GOLGB1: variants seen among roughly 807,000 people sequenced by gnomAD.
GOLGB1 encodes the protein golgin subfamily B member 1.
In GOLGB1, 174 loss-of-function variants were observed where a neutral mutation model predicts 336.9. That is an observed-to-expected ratio of 0.52 (90% CI 0.46 to 0.59). The LOEUF is 0.59. GOLGB1 is among the 20% of genes least tolerant of loss of function. The pLI, the probability that GOLGB1 is intolerant of heterozygous loss-of-function variation, is 0.00. For synonymous variants in GOLGB1, 1,208 were observed against 1,289.2 expected (o/e 0.94, Z 1.35); for missense variants, 3,331 against 3,645.3 (o/e 0.91, Z 2.22).
chr3:121,746,169 AT>A (rs1220915062), intron 1 of GOLGB1, among the ~76,000 whole-genome samples: 1 of 152,190 alleles, frequency 6.6e-6, no homozygotes, highest in Admixed American at 6.5e-5. Context: ...TTTCATGCTT[AT>A]TTAGTTAAGC....
chr3:121,725,892 A>G (rs1045916899), intron 5 of GOLGB1, among the ~76,000 whole-genome samples: 7 of 152,028 alleles, frequency 4.6e-5, no homozygotes, highest in African/African-American at 1.7e-4. Context: ...CTGCCTTGCG[A>G]CACCACTGAG....
At position 121,710,901 on chromosome 3, in the gene GOLGB1, C is replaced by T. The variant is rs138171319; in HGVS notation, c.1404+3960G>A. 1.6e-3 allele frequency among the ~76,000 whole-genome samples: 244 copies of T among 151,338 alleles called. 1 individual carries two copies. The highest frequency in any genetic ancestry group is 3.4e-3 in the Middle Eastern group (1 of 290). ...TTTTAAAAAAAGAAAAAAAAAAGGC[C>T]AGGCGCAGTGGCTCACGCCTGTAAT... On this transcript the variant is annotated intron_variant, in intron 10 of 21. Coordinates refer to ENST00000614479, the MANE Select transcript of GOLGB1 (RefSeq NM_001366282.2).
intron 6 of GOLGB1, among the ~76,000 whole-genome samples, 153 bp from the exon 7 acceptor site, chr3:121,719,921 GAGAT>G (rs1236807266): frequency 6.6e-6 from 1 of 152,194 alleles, no homozygotes; most frequent in Non-Finnish European, 1.5e-5. Flanking sequence ...TGTTGGAAGA[GAGAT>G]AGGCTGGACA....
chr3:121,670,912 A>G (rs1939444829), intron 17 of GOLGB1, among the ~76,000 whole-genome samples: 1 of 152,182 alleles, frequency 6.6e-6, no homozygotes, highest in Non-Finnish European at 1.5e-5. Flanking sequence ...AGAGGAAGTT[A>G]ATTTTCCTGG....
chr3:121,717,023 T>C lies in GOLGB1; in HGVS notation c.1002A>G (p.Ala334=), dbSNP rs1944836490. 6 of 1,614,030 alleles carry C rather than the reference T, an allele frequency of 3.7e-6. No homozygotes were observed. The East Asian group carries it at 1.1e-4, about 30-fold the overall frequency. ...GATTATGGAAGGATAATTTTCTCTC[T>C]GCCACTTCAAGTTCCATCTTTTCCA... ...ILLEKMELEV[A]ERKLSFHNLQ... Residue 334 remains alanine (A), a synonymous_variant, in exon 9 of 22, where the codon GCA becomes GCG. Coordinates refer to ENST00000614479, the MANE Select transcript of GOLGB1 (RefSeq NM_001366282.2).
chr3:121,717,009 G>C lies in GOLGB1; in HGVS notation c.1016C>G (p.Ser339Cys). 6.2e-7 allele frequency: 1 copy of C among 1,613,966 alleles called. No homozygotes were observed. The highest frequency in any genetic ancestry group is 8.5e-7 in the Non-Finnish European group (1 of 1,179,932). ...CATTTCTTCCTGCAGATTATGGAAG[G>C]ATAATTTTCTCTCTGCCACTTCAAG... ...MELEVAERKL[S>C]FHNLQEEMHH... The change falls in exon 9 of 22, where the codon TCC (serine) becomes TGC (cysteine). Residue 339 changes from serine (S) to cysteine (C), a missense_variant. Ser to Cys is a moderately radical substitution (Grantham distance 112, BLOSUM62 -1). Coordinates refer to ENST00000614479, the MANE Select transcript of GOLGB1 (RefSeq NM_001366282.2).
rs752721770 is a variant in GOLGB1, at chr3:121,691,472, G to T, written c.7892C>A (p.Thr2631Asn). The T allele has an allele frequency of 1.2e-6, 2 of 1,613,544 alleles. No individual in the cohort carries two copies. The highest frequency in any genetic ancestry group is 1.7e-6 in the Non-Finnish European group (2 of 1,179,900). The change falls in exon 14 of 22, where the codon ACT becomes AAT. Residue 2631 changes from threonine to asparagine, a missense_variant. Thr to Asn is a moderately conservative substitution (Grantham distance 65). Coordinates refer to ENST00000614479, the MANE Select transcript of GOLGB1 (RefSeq NM_001366282.2). The part of the protein sequence containing the change: ...RQVTALQEEG[T>N]LGLYHAQLKV... The stretch of plus-strand genomic sequence containing the variant: ...TAACTGGGCATGATAGAGTCCTAAA[G>T]TACCTTCTTCTTGCAAGGCTGTTAC...
chr3:121,681,307 G>A (rs1941045225), intron 15 of GOLGB1, among the ~76,000 whole-genome samples: 1 of 152,190 alleles, frequency 6.6e-6, no homozygotes, highest in African/African-American at 2.4e-5. Context: ...TAGGGGTTAA[G>A]GATGTGAGGA....
chr3:121,667,246 G>T (rs1938752627), intron 20 of GOLGB1, among the ~76,000 whole-genome samples: 1 of 152,070 alleles, frequency 6.6e-6, no homozygotes, highest in African/African-American at 2.4e-5. Flanking sequence ...TTCAGTAATG[G>T]TAGATATCAT....
chr3:121,726,433 CAAAAAA>C (rs10547964), intron 5 of GOLGB1, among the ~76,000 whole-genome samples: 2 of 61,452 alleles, frequency 3.3e-5, no homozygotes, highest in African/African-American at 6.9e-5. Flanking sequence ...CACCCTGTCT[CAAAAAA>C]AAAAAAAAAA....
In GOLGB1 at chr3:121,716,159, G is replaced by A. The variant is rs143425144; in HGVS notation, c.1288+578C>T. Among the ~76,000 whole-genome samples the A allele has an allele frequency of 7.2e-3, 1,102 of 152,256 alleles. 9 individuals carry two copies. Among genetic ancestry groups the A allele is most frequent in the Non-Finnish European group, 0.01 (683 of 68,010 alleles). The stretch of plus-strand genomic sequence containing the variant: ...GGTGAGATGGAGTATTGGTGTTGAG[G>A]AAGTTTCACTTTTTAATTTATAAAG... On this transcript the variant is annotated intron_variant, in intron 9 of 21. Coordinates refer to ENST00000614479, the MANE Select transcript of GOLGB1 (RefSeq NM_001366282.2).
chr3:121,676,945 C>G lies in GOLGB1; in HGVS notation c.9125G>C (p.Ser3042Thr). Reference protein sequence around the residue: ...TELLRTQLNDSLKEIHQKELR... With the variant: ...TELLRTQLNDTLKEIHQKELR... ...CTCCTTTTGGTGAATTTCCTTTAAG[C>G]TGTCATTGAGCTGGGTCCTGAGAAG... is the stretch of plus-strand genomic sequence containing the variant. The change falls in exon 17 of 22, where the codon AGC (serine) becomes ACC (threonine). Residue 3042 changes from serine to threonine, a missense_variant. Transcript: ENST00000614479. The G allele has an allele frequency of 1.9e-6, 3 of 1,613,634 alleles. No homozygotes were observed. Among genetic ancestry groups the G allele is most frequent in the Admixed American group, 1.7e-5 (1 of 60,028 alleles).
At chr3:121,742,086 T>C (rs753451193) in intron 1 of GOLGB1, among the ~76,000 whole-genome samples, 1 of 152,198 alleles carries the variant, frequency 6.6e-6, no homozygotes, top group African/African-American at 2.4e-5. Context: ...AAGCTACCAA[T>C]GACTTTCTTC....
intron 1 of GOLGB1, among the ~76,000 whole-genome samples, chr3:121,747,774 T>C (rs996798923): frequency 4.6e-5 from 7 of 152,082 alleles, no homozygotes; most frequent in Non-Finnish European, 2.9e-5. Context: ...GGAATGGAGA[T>C]GGGTAGATCA....
At chr3:121,702,360 T>C in intron 11 of GOLGB1, 121 bp downstream of exon 11, 1 of 413,702 alleles carries the variant, frequency 2.4e-6, no homozygotes, top group Non-Finnish European at 4.4e-6. Context: ...ACCAGCTCTA[T>C]TATCTAAATC....
intron 1 of GOLGB1, 88 bp from the exon 2 acceptor site, chr3:121,731,061 T>C (rs754264313): frequency 1.6e-5 from 21 of 1,315,434 alleles, no homozygotes; most frequent in Non-Finnish European, 2.1e-5. Flanking sequence ...CATCCGTGAA[T>C]GAAAAAAGAA....
chr3:121,676,141 A>T (rs1940341837), intron 17 of GOLGB1, among the ~76,000 whole-genome samples: 1 of 152,250 alleles, frequency 6.6e-6, no homozygotes, highest in South Asian at 2.1e-4. Context: ...AATTAGTTGA[A>T]TTTAACTACA....
intron 10 of GOLGB1, among the ~76,000 whole-genome samples, chr3:121,705,517 G>A (rs1351396009): frequency 2.0e-5 from 3 of 152,210 alleles, no homozygotes; most frequent in African/African-American, 4.8e-5. Flanking sequence ...TGCCTTAAGA[G>A]AGTTTTCAGG....
In GOLGB1 at chr3:121,714,842, G is replaced by A. The variant is rs761719291; in HGVS notation, c.1404+19C>T. ...AAAGACAAACAGTTAATATTCATAA[G>A]AAGTTCACATTTAATTACCTGTGTG... On this transcript the variant is annotated intron_variant, in intron 10 of 21. Transcript: ENST00000614479. 3.0e-6 allele frequency: 4 copies of A among 1,343,546 alleles called. No homozygotes were observed. In the South Asian group the frequency reaches 4.7e-5, roughly 16 times the overall value. 83.2% of individuals were successfully genotyped at this position (1,343,546 alleles called of 1,614,324 possible).
Sources: allele counts gnomAD v4.1 joint callset (sites outside exome capture counted in the v4.1 genomes callset), GRCh38; gene constraint gnomAD v4.1.1; transcripts MANE v1.5; gene names NCBI Gene and HGNC (gene_info 2026-07-23, HGNC 2026-07-21).